Variants in ERICH3 observed in about 807,000 individuals in gnomAD.
ERICH3 encodes glutamate-rich protein 3.
ERICH3 carries 126 observed loss-of-function variants against 131.1 expected under a neutral mutation model. The observed-to-expected ratio is 0.96, with a 90% CI of 0.83 to 1.11. ERICH3 has a LOEUF of 1.11. Ranked by LOEUF, ERICH3 falls within the 50% of genes most tolerant of loss-of-function variation. The pLI is 0.00. For missense variants in ERICH3, 2,050 were observed against 1,810.7 expected (o/e 1.13, Z -2.40); for synonymous variants, 695 against 644.6 (o/e 1.08, Z -1.18).
intron 12 of ERICH3, among the ~76,000 whole-genome samples, chr1:74,583,042 G>T (rs796942909): frequency 6.6e-6 from 1 of 151,974 alleles, no homozygotes; most frequent in African/African-American, 2.4e-5. Flanking sequence ...CAATGTAAAC[G>T]GGGGCAGAAC....
chr1:74,606,962 C>T, intron 9 of ERICH3, 60 bp from the exon 10 acceptor site: 1 of 1,462,234 alleles, frequency 6.8e-7, no homozygotes, highest in Non-Finnish European at 9.2e-7. Flanking sequence ...AATGGAACCT[C>T]AAAGCTTTTG....
At position 74,663,864 on chromosome 1, in the gene ERICH3, T is replaced by A. The variant is rs535167389; in HGVS notation, c.23+9633A>T. ...TTAAGCCACTAGGAGTTTGGCTTTC[T>A]GTTACTTTCAGCTGAATGTATTCCT... is the stretch of plus-strand genomic sequence containing the variant. On this transcript the variant is annotated intron_variant, in intron 1 of 14. Transcript: ENST00000326665. Among the ~76,000 whole-genome samples the A allele has an allele frequency of 4.6e-5, 7 of 152,260 alleles. No homozygotes were observed. In the East Asian group the frequency reaches 1.4e-3, roughly 29 times the overall value.
At position 74,671,771 on chromosome 1, in the gene ERICH3, G is replaced by A. The variant is rs372986499; in HGVS notation, c.23+1726C>T. ...ACACAATTTTCATTTCCGAATACAT[G>A]CATCTCTAGATTGGATGCACCATCC... On this transcript the variant is annotated intron_variant, in intron 1 of 14. Transcript: ENST00000326665. 4.6e-5 allele frequency among the ~76,000 whole-genome samples: 7 copies of A among 152,172 alleles called. No homozygotes were observed. The South Asian group carries it at 1.0e-3, about 23-fold the overall frequency.
Position 74,572,667 on chromosome 1 carries a change from C to T in ERICH3, c.3043G>A (p.Glu1015Lys), listed in dbSNP as rs1243857656. The T allele has an allele frequency of 5.0e-6, 8 of 1,614,032 alleles. No homozygotes were observed. The highest frequency in any genetic ancestry group is 1.7e-5 in the Admixed American group (1 of 60,006). Residue 1015 changes from glutamate (E) to lysine (K), a missense_variant, in exon 14 of 15, where the codon GAA (glutamate) becomes AAA (lysine). Coordinates refer to ENST00000326665, the MANE Select transcript of ERICH3 (RefSeq NM_001002912.5). ...AAGGCTTCCTTTGCAAGGCTTCCTT[C>T]CTCAGGGCTGCCCTCCGAAACCTGC... ...RMQVSEGSPE[E>K]GSLAKEAFLC...
chr1:74,631,846 C>CTTA lies in ERICH3; in HGVS notation c.685_686insTAA (p.Asn228_Ser229insIle). On this transcript the variant is annotated inframe_insertion, in exon 7 of 15. Coordinates refer to ENST00000326665, the MANE Select transcript of ERICH3 (RefSeq NM_001002912.5). ...TGGAGGAGGAATAGGCATCATGTAA[C>CTTA]TGTTAATGTTTGGAAGTTGATATGA... is the stretch of plus-strand genomic sequence containing the variant. 1 of 1,613,496 alleles carries CTTA rather than the reference C, an allele frequency of 6.2e-7. No homozygotes were observed. The highest frequency in any genetic ancestry group is 8.5e-7 in the Non-Finnish European group (1 of 1,179,602).
At chr1:74,649,339 T>G (rs373225680) in intron 1 of ERICH3, 24 bp from the exon 2 acceptor site, 4 of 1,577,036 alleles carry the variant, frequency 2.5e-6, no homozygotes, top group Middle Eastern at 1.8e-4. Context: ...ATAAAACCAA[T>G]AAGCTTTTAC....
chr1:74,671,615 C>T (rs1160666464), intron 1 of ERICH3, among the ~76,000 whole-genome samples: 1 of 152,128 alleles, frequency 6.6e-6, no homozygotes, highest in Non-Finnish European at 1.5e-5. Flanking sequence ...AATAAGTCCT[C>T]AAATTCCTTA....
At chr1:74,613,526 A>C (rs1046583029) in intron 8 of ERICH3, among the ~76,000 whole-genome samples, 3 of 152,206 alleles carry the variant, frequency 2.0e-5, no homozygotes, top group African/African-American at 7.2e-5. Flanking sequence ...GAGCTCATTA[A>C]TACATTTTAA....
intron 6 of ERICH3, among the ~76,000 whole-genome samples, chr1:74,633,436 T>C (rs1418067839): frequency 2.6e-5 from 4 of 151,958 alleles, no homozygotes; most frequent in African/African-American, 9.7e-5. Flanking sequence ...AGAAAATCAA[T>C]GAATCTAGAA....
In ERICH3 at chr1:74,571,250, C is replaced by T. The variant is rs1408038516; in HGVS notation, c.4460G>A (p.Ser1487Asn). ...TGCCATCGCCTGTAGACTCTCCGGA[C>T]TCAATTCCCTCTCTCCCTCCCGTGA... ...GLSREGEREL[S>N]PESLQAMATL... The change falls in exon 14 of 15, where the codon AGT becomes AAT. Residue 1487 changes from serine to asparagine, a missense_variant. Ser to Asn is a conservative substitution (Grantham distance 46). Transcript: ENST00000326665. The T allele has an allele frequency of 2.5e-6, 4 of 1,614,112 alleles. No individual in the cohort carries two copies. The highest frequency in any genetic ancestry group is 3.4e-6 in the Non-Finnish European group (4 of 1,179,994).
intron 2 of ERICH3, 60 bp downstream of exon 2, chr1:74,649,162 G>T (rs563662666): frequency 1.3e-5 from 15 of 1,187,162 alleles, no homozygotes; most frequent in Non-Finnish European, 1.8e-5. Context: ...GCCTGAAAAG[G>T]TAGGGAATTA....
Position 74,599,891 on chromosome 1 carries a change from A to T in ERICH3, c.1530T>A (p.Gly510=), listed in dbSNP as rs1357790655. The T allele has an allele frequency of 6.2e-7, 1 of 1,611,562 alleles. No homozygotes were observed. Among genetic ancestry groups the T allele is most frequent in the Non-Finnish European group, 8.5e-7 (1 of 1,178,686 alleles). The change falls in exon 11 of 15, where the codon GGT becomes GGA. Residue 510 remains glycine (G), a synonymous_variant. Transcript: ENST00000326665. ...EDFEVDEEKQ[G]EKSNEEGQAD... ...CCTGTCCTTCTTCATTAGATTTTTC[A>T]CCTTGTTTCTCCTCATCTACTTCAA...
intron 10 of ERICH3, among the ~76,000 whole-genome samples, chr1:74,606,397 C>T (rs561936402): frequency 6.6e-6 from 1 of 151,844 alleles, no homozygotes; most frequent in African/African-American, 2.4e-5. Flanking sequence ...AACCTTTAAC[C>T]TTTCTGGGGC....
At position 74,599,713 on chromosome 1, in the gene ERICH3, G is replaced by T. The variant is rs1449021456; in HGVS notation, c.1708C>A (p.Leu570Met). Residue 570 changes from leucine to methionine, a missense_variant, in exon 11 of 15, where the codon CTG (leucine) becomes ATG (methionine). Coordinates refer to ENST00000326665, the MANE Select transcript of ERICH3 (RefSeq NM_001002912.5). ...DENDGCSESE[L>M]EEDKQDMKTA... ...AACTCGCCTTGTTTATCCTCTTCCA[G>T]TTCACTCTCAGAGCATCCATCATTC... 6.2e-7 allele frequency: 1 copy of T among 1,609,932 alleles called. No homozygotes were observed. The highest frequency in any genetic ancestry group is 1.7e-5 in the Admixed American group (1 of 59,450).
rs1370341539 is a variant in ERICH3 at position 74,663,506 on chromosome 1, C to A, written c.23+9991G>T. Among the ~76,000 whole-genome samples the A allele has an allele frequency of 7.2e-5, 11 of 151,856 alleles. No individual in the cohort carries two copies. In the East Asian group the frequency reaches 2.1e-3, roughly 29 times the overall value. ...AGAAGAAGTTAGAAAGTCAAATACA[C>A]CCTTTCCTACTCTCTCCTATAGCAA... On this transcript the variant is annotated intron_variant, in intron 1 of 14. Coordinates refer to ENST00000326665, the MANE Select transcript of ERICH3 (RefSeq NM_001002912.5).
At chr1:74,643,259 T>C (rs1646452000) in intron 3 of ERICH3, among the ~76,000 whole-genome samples, 161 bp from the exon 4 acceptor site, 1 of 152,134 alleles carries the variant, frequency 6.6e-6, no homozygotes, top group African/African-American at 2.4e-5. Context: ...GGAATGTAAA[T>C]TGGTGCAACT....
chr1:74,646,840 TGGTGTTAGTTTCCAAAAAA>T lies in ERICH3; in HGVS notation c.118-67_118-49del, dbSNP rs1191480292. On this transcript the variant is annotated intron_variant, in intron 2 of 14. Transcript: ENST00000326665. ...ACATAGAAATATAAAATAGAAAATG[TGGTGTTAGTTTCCAAAAAA>T]GGGAGGCTGGAGGGTGGAGAAGACA... 3.4e-6 allele frequency: 4 copies of T among 1,175,714 alleles called. No individual in the cohort carries two copies. In the Admixed American group the frequency reaches 1.0e-4, roughly 30 times the overall value. 72.8% of individuals were successfully genotyped at this position (1,175,714 alleles called of 1,614,324 possible).
intron 7 of ERICH3, among the ~76,000 whole-genome samples, chr1:74,627,665 A>T (rs536206563): frequency 1.6e-4 from 25 of 152,160 alleles, no homozygotes; most frequent in Non-Finnish European, 3.1e-4. Flanking sequence ...ATACACACAT[A>T]CATATGTGTA....
intron 1 of ERICH3, among the ~76,000 whole-genome samples, chr1:74,662,524 T>C (rs1243985510): frequency 1.3e-5 from 2 of 152,164 alleles, no homozygotes; most frequent in African/African-American, 4.8e-5. Flanking sequence ...AATCTGAAAT[T>C]AATTTATGAC....
Sources: gnomAD v4.1 joint callset for allele counts (sites outside exome capture counted in the v4.1 genomes callset) on GRCh38, gnomAD v4.1.1 for gene constraint, MANE v1.5 for transcripts, NCBI Gene and HGNC (gene_info 2026-07-23, HGNC 2026-07-21) for gene names.